HS3ST4: variants seen among roughly 807,000 people sequenced by gnomAD.
HS3ST4 encodes heparan sulfate glucosamine 3-O-sulfotransferase 4.
A neutral mutation model predicts 29.2 loss-of-function variants in HS3ST4; 17 were observed. The ratio of observed to expected loss-of-function variants is 0.58; its 90% CI spans 0.40 to 0.87. HS3ST4 has a LOEUF of 0.87. Ranked by LOEUF, HS3ST4 falls within the 40% of genes least tolerant of loss-of-function variation. The probability of loss-of-function intolerance (pLI) is 0.00; values close to 1 mark genes in which losing one functional copy is unlikely to be tolerated. For missense variants in HS3ST4, 627 were observed against 634.5 expected, an observed-to-expected ratio of 0.99 and a Z score of 0.13; for synonymous variants, 314 against 285.7, an observed-to-expected ratio of 1.10 and a Z score of -1.00.
chr16:25,850,878 A>G (rs1967513842), intron 1 of HS3ST4, among the ~76,000 whole-genome samples: 1 of 152,192 alleles, frequency 6.6e-6, no homozygotes, highest in African/African-American at 2.4e-5. Context: ...AAAAAGGAAC[A>G]GATTTTCATT....
intron 1 of HS3ST4, among the ~76,000 whole-genome samples, chr16:25,947,469 C>T (rs1968638950): frequency 1.3e-5 from 2 of 152,138 alleles, no homozygotes; most frequent in African/African-American, 4.8e-5. Flanking sequence ...GCAGTGCTGC[C>T]TCAGATTGTG....
intron 1 of HS3ST4, among the ~76,000 whole-genome samples, chr16:25,741,549 T>C (rs572020022): frequency 6.6e-6 from 1 of 152,274 alleles, no homozygotes; most frequent in African/African-American, 2.4e-5. Flanking sequence ...TATGAGATGA[T>C]AATAATGAAT....
intron 1 of HS3ST4, among the ~76,000 whole-genome samples, chr16:25,767,286 G>A (rs1201564790): frequency 6.6e-6 from 1 of 152,204 alleles, no homozygotes; most frequent in Non-Finnish European, 1.5e-5. Context: ...ATCATCCAGT[G>A]TTCTTGAGGA....
chr16:25,728,902 G>A (rs1277973883), intron 1 of HS3ST4, among the ~76,000 whole-genome samples: 1 of 151,974 alleles, frequency 6.6e-6, no homozygotes, highest in African/African-American at 2.4e-5. Flanking sequence ...GGGCAACATA[G>A]TGAGACCCCC....
At chr16:26,067,705 C>T (rs1404687103) in intron 1 of HS3ST4, among the ~76,000 whole-genome samples, 1 of 152,196 alleles carries the variant, frequency 6.6e-6, no homozygotes, top group African/African-American at 2.4e-5. Flanking sequence ...GGCTGTGTCC[C>T]TACCCAAATC....
chr16:25,780,888 T>G (rs1035972959), intron 1 of HS3ST4, among the ~76,000 whole-genome samples: 2 of 152,164 alleles, frequency 1.3e-5, no homozygotes, highest in African/African-American at 2.4e-5. Flanking sequence ...CTCAGTGGAG[T>G]TGGTCTGTTT....
chr16:26,110,975 T>G (rs1899120868), intron 1 of HS3ST4, among the ~76,000 whole-genome samples: 1 of 152,210 alleles, frequency 6.6e-6, no homozygotes, highest in Non-Finnish European at 1.5e-5. Context: ...TCTTTCAGTC[T>G]GCTTAAATGC....
intron 1 of HS3ST4, among the ~76,000 whole-genome samples, chr16:25,970,055 T>C (rs2141705925): frequency 6.6e-6 from 1 of 152,352 alleles, no homozygotes; most frequent in African/African-American, 2.4e-5. Flanking sequence ...TGGATAGTAC[T>C]GTTAGTGTCA....
At chr16:25,922,767 C>T (rs922520914) in intron 1 of HS3ST4, among the ~76,000 whole-genome samples, 2 of 152,194 alleles carry the variant, frequency 1.3e-5, no homozygotes, top group African/African-American at 4.8e-5. Context: ...ATGGGATGCA[C>T]CCAAACCTAC....
At chr16:26,108,339 C>G (rs950249035) in intron 1 of HS3ST4, among the ~76,000 whole-genome samples, 3 of 152,132 alleles carry the variant, frequency 2.0e-5, no homozygotes, top group Non-Finnish European at 4.4e-5. Context: ...ACTCTTCTTG[C>G]TAAGATGGGA....
intron 1 of HS3ST4, among the ~76,000 whole-genome samples, chr16:25,785,409 C>T (rs1164904719): frequency 6.6e-6 from 1 of 152,116 alleles, no homozygotes; most frequent in Non-Finnish European, 1.5e-5. Flanking sequence ...GAAGCATGTG[C>T]CATTACCATT....
intron 1 of HS3ST4, among the ~76,000 whole-genome samples, chr16:25,703,083 C>T (rs1051154121): frequency 6.6e-6 from 1 of 151,992 alleles, no homozygotes; most frequent in African/African-American, 2.4e-5. Context: ...CGCCTGAACC[C>T]AGGATGCAGA....
intron 1 of HS3ST4, among the ~76,000 whole-genome samples, chr16:26,094,130 A>G (rs906066917): frequency 9.2e-5 from 14 of 152,214 alleles, no homozygotes; most frequent in African/African-American, 3.4e-4. Context: ...GACCAAATCT[A>G]CGTTTGATTG....
Position 25,692,532 on chromosome 16 carries a change from T to G in HS3ST4, c.115T>G (p.Cys39Gly). 1 of 1,440,210 alleles carries G rather than the reference T, an allele frequency of 6.9e-7. No homozygotes were observed. Among genetic ancestry groups the G allele is most frequent in the Non-Finnish European group, 9.2e-7 (1 of 1,085,732 alleles). 89.2% of individuals were successfully genotyped at this position (1,440,210 alleles called of 1,614,324 possible). ...GPPARKLLFMCTLSLSVTYLC... is the reference protein window; with the variant it reads ...GPPARKLLFMGTLSLSVTYLC... ...GCCGGCGCGCAAGCTGCTTTTTATG[T>G]GCACCTTGTCCCTGTCTGTCACCTA... is the stretch of plus-strand genomic sequence containing the variant. Residue 39 changes from cysteine (C) to glycine (G), a missense_variant, in exon 1 of 2, where the codon TGC becomes GGC. Cys to Gly is a radical substitution (Grantham distance 159, BLOSUM62 -3). Transcript: ENST00000331351.
chr16:25,696,784 A>G (rs1425344284), intron 1 of HS3ST4, among the ~76,000 whole-genome samples: 1 of 152,250 alleles, frequency 6.6e-6, no homozygotes, highest in Non-Finnish European at 1.5e-5. Flanking sequence ...CATATTTTGC[A>G]TGTGGCAACT....
intron 1 of HS3ST4, among the ~76,000 whole-genome samples, chr16:25,811,694 A>C (rs1012619226): frequency 2.0e-5 from 3 of 152,014 alleles, no homozygotes; most frequent in Non-Finnish European, 4.4e-5. Context: ...CGGCCTCCCA[A>C]AGTGCTGGGA....
intron 1 of HS3ST4, among the ~76,000 whole-genome samples, chr16:25,700,369 G>T (rs1289585016): frequency 6.6e-6 from 1 of 152,154 alleles, no homozygotes; most frequent in Non-Finnish European, 1.5e-5. Flanking sequence ...CCAGGAGCCT[G>T]TTTGCCTTTC....
At chr16:25,766,425 T>C (rs16975191) in intron 1 of HS3ST4, among the ~76,000 whole-genome samples, 3,034 of 152,282 alleles carry the variant, frequency 0.02, 107 homozygotes, top group African/African-American at 0.07. Flanking sequence ...AAGAGCTTGG[T>C]AGACTATGGC....
intron 1 of HS3ST4, among the ~76,000 whole-genome samples, chr16:26,100,101 T>C (rs770876612): frequency 4.0e-5 from 6 of 151,844 alleles, no homozygotes; most frequent in Non-Finnish European, 7.4e-5. Context: ...GTGATGGACA[T>C]ACAGACGGGA....
Sources: allele counts gnomAD v4.1 joint callset (sites outside exome capture counted in the v4.1 genomes callset), GRCh38; gene constraint gnomAD v4.1.1; transcripts MANE v1.5; gene names NCBI Gene and HGNC (gene_info 2026-07-23, HGNC 2026-07-21).